CCSER1: variants seen among roughly 807,000 people sequenced by gnomAD.
CCSER1 encodes the protein serine-rich coiled-coil domain-containing protein 1.
A neutral mutation model predicts 82.0 loss-of-function variants in CCSER1; 41 were observed. The observed-to-expected ratio is 0.50, with a 90% CI of 0.39 to 0.65. The LOEUF is 0.65. Among genes scored for constraint, CCSER1 ranks in the 30% least tolerant of loss-of-function variants. The pLI is 0.00. For synonymous variants in CCSER1, 414 were observed against 383.9 expected (o/e 1.08, Z -0.92); for missense variants, 1,119 against 1,064.2 (o/e 1.05, Z -0.72).
intron 10 of CCSER1, among the ~76,000 whole-genome samples, chr4:91,409,887 G>C (rs1752926915): frequency 6.6e-6 from 1 of 152,034 alleles, no homozygotes; most frequent in African/African-American, 2.4e-5. Context: ...TTCACCATTT[G>C]GCCAGGCTGG....
rs145214962 is a variant in CCSER1 at position 91,074,507 on chromosome 4, C to T, written c.2173-11443C>T. Among the ~76,000 whole-genome samples, 1,422 of 152,158 alleles carry T rather than the reference C, an allele frequency of 9.3e-3. 18 individuals carry two copies. Among genetic ancestry groups the T allele is most frequent in the African/African-American group, 0.031 (1,291 of 41,512 alleles). On this transcript the variant is annotated intron_variant, in intron 9 of 10. Transcript: ENST00000509176. ...CAATTTTATAGCTGTGGAACCTGGC[C>T]CATGAAATGGTTAAGGAATGCTCTA...
chr4:91,243,260 G>T (rs942823229), intron 10 of CCSER1, among the ~76,000 whole-genome samples: 2 of 152,224 alleles, frequency 1.3e-5, no homozygotes, highest in African/African-American at 2.4e-5. Context: ...TTCAGAACTT[G>T]AGTTTGTTGG....
intron 6 of CCSER1, among the ~76,000 whole-genome samples, chr4:90,696,210 C>T (rs1736975422): frequency 6.6e-6 from 1 of 151,902 alleles, no homozygotes; most frequent in Non-Finnish European, 1.5e-5. Flanking sequence ...GATTTTTCAC[C>T]TGTGTTTTGT....
intron 10 of CCSER1, among the ~76,000 whole-genome samples, chr4:91,370,151 A>G (rs1228290522): frequency 2.0e-5 from 3 of 152,182 alleles, no homozygotes; most frequent in African/African-American, 7.2e-5. Flanking sequence ...TAAATATCCA[A>G]GTTAGTTCTG....
chr4:90,234,989 AAAC>A (rs1298440387), intron 1 of CCSER1: 1 of 152,252 alleles, frequency 6.6e-6, no homozygotes, highest in Non-Finnish European at 1.5e-5. Context: ...AGCACAGAAG[AAAC>A]TGCTGCTGCT....
chr4:90,551,502 C>G (rs1387278712), intron 5 of CCSER1, among the ~76,000 whole-genome samples: 3 of 151,760 alleles, frequency 2.0e-5, no homozygotes, highest in Non-Finnish European at 4.4e-5. Flanking sequence ...GGCACCTAAG[C>G]ATTTTTCATG....
chr4:91,593,357 GATGTT>G (rs1764355903), intron 10 of CCSER1, among the ~76,000 whole-genome samples: 1 of 150,216 alleles, frequency 6.7e-6, no homozygotes, highest in Non-Finnish European at 1.5e-5. Flanking sequence ...TACTGTACTT[GATGTT>G]ATAAGAAAAA....
chr4:91,131,967 T>C (rs1250388205), intron 10 of CCSER1, among the ~76,000 whole-genome samples: 3 of 151,952 alleles, frequency 2.0e-5, no homozygotes, highest in African/African-American at 7.2e-5. Context: ...AAAATGAAGA[T>C]GATAATATCT....
intron 5 of CCSER1, among the ~76,000 whole-genome samples, chr4:90,485,103 A>G (rs1578733130): frequency 6.6e-6 from 1 of 152,138 alleles, no homozygotes; most frequent in Non-Finnish European, 1.5e-5. Context: ...CCTTGCTGCC[A>G]CCTTGCAGTT....
intron 5 of CCSER1, among the ~76,000 whole-genome samples, chr4:90,523,542 T>C (rs1412965999): frequency 6.6e-6 from 1 of 152,176 alleles, no homozygotes. Context: ...GTTTATATGA[T>C]ATTAATATAA....
intron 10 of CCSER1, among the ~76,000 whole-genome samples, chr4:91,260,742 T>TTTTATTTA (rs1303867895): frequency 6.6e-6 from 1 of 151,730 alleles, no homozygotes; most frequent in African/African-American, 2.4e-5. Context: ...CTAGGAAGTT[T>TTTTATTTA]TTTATTTATT....
At chr4:91,070,092 C>T (rs1372360611) in intron 9 of CCSER1, among the ~76,000 whole-genome samples, 1 of 151,770 alleles carries the variant, frequency 6.6e-6, no homozygotes, top group Non-Finnish European at 1.5e-5. Context: ...TCATGCCATT[C>T]TCCTGCCTCA....
chr4:91,056,204 G>T (rs1743430200), intron 9 of CCSER1, among the ~76,000 whole-genome samples: 3 of 151,790 alleles, frequency 2.0e-5, no homozygotes, highest in South Asian at 2.1e-4. Flanking sequence ...ATTTTTGTTG[G>T]TTTGTTTTTT....
chr4:90,987,380 T>G (rs1044108345), intron 9 of CCSER1, among the ~76,000 whole-genome samples: 5 of 151,568 alleles, frequency 3.3e-5, no homozygotes, highest in African/African-American at 7.3e-5. Context: ...ATTATATTGC[T>G]TATGACATTT....
intron 10 of CCSER1, among the ~76,000 whole-genome samples, chr4:91,119,978 C>T (rs1194780506): frequency 6.6e-6 from 1 of 151,764 alleles, no homozygotes; most frequent in Non-Finnish European, 1.5e-5. Context: ...TCTAGTTCTA[C>T]CTCCATAATT....
At chr4:91,394,279 A>C (rs1751834206) in intron 10 of CCSER1, among the ~76,000 whole-genome samples, 1 of 152,124 alleles carries the variant, frequency 6.6e-6, no homozygotes, top group Non-Finnish European at 1.5e-5. Flanking sequence ...ATAGATAACA[A>C]AGTAAATGAG....
At chr4:90,702,301 C>T (rs957557945) in intron 6 of CCSER1, among the ~76,000 whole-genome samples, 2 of 152,132 alleles carry the variant, frequency 1.3e-5, no homozygotes, top group African/African-American at 4.8e-5. Context: ...TTTAACCAGC[C>T]TTGCATCCCA....
chr4:91,190,485 G>T (rs2149047405), intron 10 of CCSER1, among the ~76,000 whole-genome samples: 1 of 152,148 alleles, frequency 6.6e-6, no homozygotes, highest in Middle Eastern at 3.4e-3. Context: ...GACAATCTAA[G>T]CCTTGCTCTT....
intron 10 of CCSER1, among the ~76,000 whole-genome samples, chr4:91,104,275 T>C (rs1484549662): frequency 6.6e-6 from 1 of 152,232 alleles, no homozygotes; most frequent in South Asian, 2.1e-4. Context: ...GTAGTTCTGC[T>C]TTTTGCCCTT....
Sources: gnomAD v4.1 joint callset for allele counts (sites outside exome capture counted in the v4.1 genomes callset) on GRCh38, gnomAD v4.1.1 for gene constraint, MANE v1.5 for transcripts, NCBI Gene and HGNC (gene_info 2026-07-23, HGNC 2026-07-21) for gene names.